Variants in FSTL4 observed in about 807,000 individuals in gnomAD.
FSTL4 encodes the protein follistatin-related protein 4.
In FSTL4, 28 loss-of-function variants were observed where a neutral mutation model predicts 78.2. The observed-to-expected ratio is 0.36, with a 90% CI of 0.27 to 0.49. The LOEUF is 0.49. Among genes scored for constraint, FSTL4 ranks in the 20% least tolerant of loss-of-function variants. The pLI is 0.98. For synonymous variants in FSTL4, 422 were observed against 440.5 expected (o/e 0.96, Z 0.53); for missense variants, 922 against 1,084.9 (o/e 0.85, Z 2.11).
At position 133,299,162 on chromosome 5, in the gene FSTL4, TG is replaced by T. The variant is rs775579357; in HGVS notation, c.727+13491del. Among the ~76,000 whole-genome samples, 5 of 152,158 alleles carry T rather than the reference TG, an allele frequency of 3.3e-5. No individual in the cohort carries two copies. In the East Asian group the frequency reaches 5.8e-4, roughly 18 times the overall value. Reference sequence around the variant, plus strand: ...TGGCCAGGGCTGCTTACAGAGGGGCTGGGGCCTGTGGTCTCAAGGGCAGGGA... The same window carrying T: ...TGGCCAGGGCTGCTTACAGAGGGGCTGGGCCTGTGGTCTCAAGGGCAGGGA... On this transcript the variant is annotated intron_variant, in intron 6 of 15. Coordinates refer to ENST00000265342, the MANE Select transcript of FSTL4 (RefSeq NM_015082.2).
intron 4 of FSTL4, among the ~76,000 whole-genome samples, chr5:133,369,113 G>T (rs1200365936): frequency 6.6e-6 from 1 of 152,148 alleles, no homozygotes; most frequent in Non-Finnish European, 1.5e-5. Context: ...GTTCTGGCAG[G>T]CACACCCACA....
intron 6 of FSTL4, among the ~76,000 whole-genome samples, chr5:133,270,806 C>T (rs1752751440): frequency 6.6e-6 from 1 of 152,140 alleles, no homozygotes; most frequent in African/African-American, 2.4e-5. Flanking sequence ...ATGATAACCC[C>T]CACATTATCC....
rs540655637 is a variant in FSTL4 at position 133,532,753 on chromosome 5, G to A, written c.160+34433C>T. ...GAGCCTCCTTTAACAACATCAGTAGGGGCAATGTCACCTGTGGCCATCCTG... is the reference window on the plus strand; with the variant it reads ...GAGCCTCCTTTAACAACATCAGTAGAGGCAATGTCACCTGTGGCCATCCTG... On this transcript the variant is annotated intron_variant, in intron 3 of 15. Coordinates refer to ENST00000265342, the MANE Select transcript of FSTL4 (RefSeq NM_015082.2). 3.9e-5 allele frequency among the ~76,000 whole-genome samples: 6 copies of A among 152,272 alleles called. 1 individual carries two copies. Among genetic ancestry groups the A allele is most frequent in the African/African-American group, 1.4e-4 (6 of 41,556 alleles).
At chr5:133,647,732 G>A in the FSTL4 span, among the ~76,000 whole-genome samples, 14 of 152,058 alleles carry the variant, frequency 9.2e-5, no homozygotes, top group Non-Finnish European at 1.9e-4. Context: ...CCCTTCTTAG[G>A]GTTTACTTAA....
At chr5:133,769,245 C>G in the FSTL4 span, among the ~76,000 whole-genome samples, 1 of 152,202 alleles carries the variant, frequency 6.6e-6, no homozygotes, top group South Asian at 2.1e-4. Context: ...AGCCATCATG[C>G]CTGCCACAGG....
intron 2 of FSTL4, among the ~76,000 whole-genome samples, chr5:133,596,079 A>G (rs1029850092): frequency 1.3e-5 from 2 of 152,212 alleles, no homozygotes; most frequent in Admixed American, 1.3e-4. Flanking sequence ...ACAGGGTTCT[A>G]TGGTGGGGGA....
chr5:133,299,108 C>A (rs1561661912), intron 6 of FSTL4, among the ~76,000 whole-genome samples: 1 of 152,208 alleles, frequency 6.6e-6, no homozygotes, highest in African/African-American at 2.4e-5. Flanking sequence ...CACTCTGGGG[C>A]CTGGGAATAT....
At chr5:133,250,615 C>T (rs769849246) in intron 6 of FSTL4, among the ~76,000 whole-genome samples, 1 of 152,260 alleles carries the variant, frequency 6.6e-6, no homozygotes, top group African/African-American at 2.4e-5. Flanking sequence ...TGCTATTCTG[C>T]GGGACGCTTG....
At chr5:133,714,032 C>G in the FSTL4 span, among the ~76,000 whole-genome samples, 2 of 152,166 alleles carry the variant, frequency 1.3e-5, no homozygotes, top group Non-Finnish European at 2.9e-5. Context: ...GAGACCCTTG[C>G]TTTTCACAGA....
In FSTL4 at chr5:133,611,183, G is replaced by C. The variant is rs890781627; in HGVS notation, c.-11+1142C>G. ...AGCGAGGGCTGCTGGACAGCGCCCC[G>C]GCACCCGCTCTCGAGCCGCGACACC... On this transcript the variant is annotated intron_variant, in intron 1 of 15. Coordinates refer to ENST00000265342, the MANE Select transcript of FSTL4 (RefSeq NM_015082.2). The surrounding 1 kb of genome is among the most constrained non-coding windows in gnomAD (Gnocchi z 4.9). 6.6e-6 allele frequency among the ~76,000 whole-genome samples: 1 copy of C among 151,982 alleles called. No homozygotes were observed. Among genetic ancestry groups the C allele is most frequent in the Non-Finnish European group, 1.5e-5 (1 of 67,948 alleles).
intron 14 of FSTL4, among the ~76,000 whole-genome samples, chr5:133,203,217 G>A (rs577828705): frequency 6.6e-6 from 1 of 152,314 alleles, no homozygotes; most frequent in African/African-American, 2.4e-5. Flanking sequence ...GAACGGGAAT[G>A]TGAGACACTT....
intron 3 of FSTL4, among the ~76,000 whole-genome samples, chr5:133,491,914 TTTAATA>T (rs1277836303): frequency 1.3e-5 from 2 of 152,158 alleles, no homozygotes; most frequent in African/African-American, 4.8e-5. Context: ...TGAGTATTTA[TTTAATA>T]TTATTTTTAT....
chr5:133,793,745 TC>T, the FSTL4 span, among the ~76,000 whole-genome samples: 1 of 152,114 alleles, frequency 6.6e-6, no homozygotes, highest in Non-Finnish European at 1.5e-5. Context: ...CACCACCTCC[TC>T]CCCTGGCCCT....
chr5:133,773,463 G>A, the FSTL4 span, among the ~76,000 whole-genome samples: 1 of 152,296 alleles, frequency 6.6e-6, no homozygotes, highest in South Asian at 2.1e-4. Flanking sequence ...TTAGAGGGTA[G>A]ACAGAGAGAG....
chr5:133,225,851 A>T lies in FSTL4; in HGVS notation c.1016-32T>A. On this transcript the variant is annotated intron_variant, in intron 8 of 15. Coordinates refer to ENST00000265342, the MANE Select transcript of FSTL4 (RefSeq NM_015082.2). The surrounding 1 kb of genome is among the most constrained non-coding windows in gnomAD (Gnocchi z 4.6). ...GTGAGAGTCAGTGCTGGTGAGAAAG[A>T]GACGGCCCTGACCTGGACTTGGGCC... The T allele has an allele frequency of 6.7e-7, 1 of 1,501,240 alleles. No homozygotes were observed. The highest frequency in any genetic ancestry group is 8.9e-7 in the Non-Finnish European group (1 of 1,127,526). 93.0% of individuals were successfully genotyped at this position (1,501,240 alleles called of 1,614,324 possible). A position where few individuals can be genotyped will look rare whatever the true frequency, so the allele number is the denominator to read the frequency against.
chr5:133,750,060 C>G, the FSTL4 span, among the ~76,000 whole-genome samples: 1 of 152,030 alleles, frequency 6.6e-6, no homozygotes, highest in African/African-American at 2.4e-5. Context: ...TGTGAGCTGA[C>G]TAAAGGTTAA....
At chr5:133,595,260 AG>A (rs566776441) in intron 2 of FSTL4, among the ~76,000 whole-genome samples, 41 of 152,218 alleles carry the variant, frequency 2.7e-4, no homozygotes, top group Admixed American at 5.2e-4. Context: ...TGGTTCAAGA[AG>A]AAAGTTAAGA....
chr5:133,461,575 C>A (rs31338), intron 3 of FSTL4, among the ~76,000 whole-genome samples: 46,875 of 151,934 alleles, frequency 0.31, 7,637 homozygotes, highest in Admixed American at 0.38. Context: ...ACAAACCCTC[C>A]GAATTAGCAA....
intron 4 of FSTL4, among the ~76,000 whole-genome samples, chr5:133,395,052 GGACCAATCAGCGCTCTGTAAAACA>G (rs1755973577): frequency 6.6e-6 from 1 of 152,070 alleles, no homozygotes; most frequent in Admixed American, 6.5e-5. Flanking sequence ...CTGTCAAAAT[GGACCAATCAGCGCTCTGTAAAACA>G]GACCAATCAG....
Sources: gnomAD v4.1 joint callset for allele counts (sites outside exome capture counted in the v4.1 genomes callset) on GRCh38, gnomAD v4.1.1 for gene constraint, Gnocchi (gnomAD v3.1) non-coding constraint, MANE v1.5 for transcripts, NCBI Gene and HGNC (gene_info 2026-07-23, HGNC 2026-07-21) for gene names.